Variants in SMYD3 observed in about 807,000 individuals in gnomAD.
SMYD3 encodes SET and MYND domain containing 3, also known as histone-lysine N-methyltransferase SMYD3.
SMYD3 carries 36 observed loss-of-function variants against 57.7 expected under a neutral mutation model. That is an observed-to-expected ratio of 0.62 (90% confidence interval 0.48 to 0.82). The LOEUF is 0.82. Ranked by LOEUF, SMYD3 falls within the 40% of genes least tolerant of loss-of-function variation. The pLI is 0.00. For synonymous variants in SMYD3, 211 were observed against 195.0 expected (o/e 1.08, Z -0.68); for missense variants, 515 against 538.8 (o/e 0.96, Z 0.44).
rs907370765 is a variant in SMYD3 at position 246,482,584 on chromosome 1, C to A, written c.164+24470G>T. 5.9e-5 allele frequency among the ~76,000 whole-genome samples: 9 copies of A among 152,298 alleles called. No homozygotes were observed. In the East Asian group the frequency reaches 7.7e-4, roughly 13 times the overall value. On this transcript the variant is annotated intron_variant, in intron 1 of 11. Coordinates refer to ENST00000490107, the MANE Select transcript of SMYD3 (RefSeq NM_001167740.2). ...CATGGTGGGCTCTCCACAGCTCTCA[C>A]TCAGAGGTGCCAGTACACCTCCCTG...
intron 5 of SMYD3, among the ~76,000 whole-genome samples, chr1:246,006,043 G>A (rs189803138): frequency 8.1e-6 from 1 of 123,800 alleles, no homozygotes; most frequent in East Asian, 2.1e-4. Flanking sequence ...AGAAAAGGCG[G>A]GATCTTGACA....
intron 9 of SMYD3, among the ~76,000 whole-genome samples, chr1:245,863,593 A>C (rs1368541350): frequency 6.6e-6 from 1 of 152,192 alleles, no homozygotes; most frequent in Non-Finnish European, 1.5e-5. Flanking sequence ...GTGAGTTATT[A>C]TTCACGCTGA....
chr1:245,892,938 C>T (rs9730153), intron 8 of SMYD3, among the ~76,000 whole-genome samples: 150,894 of 152,330 alleles, frequency 0.99, 74,747 homozygotes, highest in Middle Eastern at 1. Flanking sequence ...AATGAAAAGA[C>T]CAGCTGCAAA....
intron 8 of SMYD3, among the ~76,000 whole-genome samples, chr1:245,880,692 C>A (rs958150034): frequency 1.3e-5 from 2 of 152,212 alleles, no homozygotes; most frequent in Non-Finnish European, 2.9e-5. Flanking sequence ...GACTTGAACT[C>A]CCAGTTGTAT....
intron 1 of SMYD3, among the ~76,000 whole-genome samples, chr1:246,431,770 A>G (rs1402646397): frequency 1.3e-5 from 2 of 152,158 alleles, no homozygotes; most frequent in African/African-American, 2.4e-5. Context: ...AACTTTACAT[A>G]TATCTGCTAT....
chr1:246,132,083 T>G (rs2061596607), intron 5 of SMYD3, among the ~76,000 whole-genome samples: 1 of 152,164 alleles, frequency 6.6e-6, no homozygotes, highest in African/African-American at 2.4e-5. Flanking sequence ...ATTGGGACAA[T>G]TCTACTAAAC....
intron 1 of SMYD3, among the ~76,000 whole-genome samples, chr1:246,472,983 A>C (rs538709494): frequency 6.6e-6 from 1 of 151,482 alleles, no homozygotes; most frequent in Admixed American, 6.6e-5. Flanking sequence ...CAGCCTCCCA[A>C]GTAGCTGGGA....
intron 8 of SMYD3, among the ~76,000 whole-genome samples, chr1:245,873,648 G>T (rs1212562271): frequency 6.6e-6 from 1 of 152,166 alleles, no homozygotes; most frequent in Non-Finnish European, 1.5e-5. Flanking sequence ...TGCCAACAGA[G>T]ATAAAAATGC....
chr1:245,966,371 G>A (rs201933931), intron 5 of SMYD3, among the ~76,000 whole-genome samples: 31 of 152,160 alleles, frequency 2.0e-4, no homozygotes, highest in Admixed American at 4.6e-4. Flanking sequence ...GTCTCATTAT[G>A]TTTCCCAGGC....
intron 5 of SMYD3, among the ~76,000 whole-genome samples, chr1:246,294,303 C>T (rs750042275): frequency 4.6e-5 from 7 of 152,176 alleles, no homozygotes; most frequent in African/African-American, 1.7e-4. Flanking sequence ...ACAGAAGCAA[C>T]CAGGGCCCAC....
chr1:245,755,285 T>C (rs887528238), intron 11 of SMYD3, among the ~76,000 whole-genome samples: 5 of 152,238 alleles, frequency 3.3e-5, no homozygotes, highest in Admixed American at 3.3e-4. Flanking sequence ...TGAATCTTTT[T>C]ATGTTTATTG....
intron 1 of SMYD3, among the ~76,000 whole-genome samples, chr1:246,448,782 C>A (rs933479426): frequency 3.3e-5 from 5 of 150,384 alleles, no homozygotes; most frequent in Non-Finnish European, 7.4e-5. Context: ...AATTTTTGCT[C>A]CTGCTTCCAA....
chr1:245,873,963 T>C (rs2052358584), intron 8 of SMYD3, among the ~76,000 whole-genome samples: 1 of 152,218 alleles, frequency 6.6e-6, no homozygotes, highest in South Asian at 2.1e-4. Context: ...ACCACTGACA[T>C]GGAAACTAAT....
chr1:246,019,934 T>C (rs534011157), intron 5 of SMYD3, among the ~76,000 whole-genome samples: 7 of 152,202 alleles, frequency 4.6e-5, no homozygotes, highest in Non-Finnish European at 1.5e-5. Flanking sequence ...ATGTAAGATA[T>C]ATTAGAAAGA....
At chr1:246,079,430 T>C (rs923027511) in intron 5 of SMYD3, among the ~76,000 whole-genome samples, 1 of 152,230 alleles carries the variant, frequency 6.6e-6, no homozygotes, top group African/African-American at 2.4e-5. Context: ...TGGTGTGAAT[T>C]AGAAATATGA....
intron 10 of SMYD3, among the ~76,000 whole-genome samples, chr1:245,813,860 C>CTATATATATATATATATATA (rs6143718): frequency 4.1e-5 from 6 of 147,042 alleles, no homozygotes; most frequent in African/African-American, 1.3e-4. Flanking sequence ...TCATGGAGCC[C>CTATATATATATATATATATA]TATATATATA....
intron 2 of SMYD3, among the ~76,000 whole-genome samples, chr1:246,351,929 A>G (rs2148700473): frequency 6.6e-6 from 1 of 152,184 alleles, no homozygotes; most frequent in East Asian, 1.9e-4. Flanking sequence ...TGAGATCAGG[A>G]GCTTGAGAGC....
chr1:246,281,307 A>T (rs2064435881), intron 5 of SMYD3, among the ~76,000 whole-genome samples: 1 of 152,086 alleles, frequency 6.6e-6, no homozygotes, highest in Admixed American at 6.6e-5. Context: ...TTCTTTGTGA[A>T]CTCACTGTGC....
chr1:246,170,766 C>T (rs898373601), intron 5 of SMYD3, among the ~76,000 whole-genome samples: 35 of 152,242 alleles, frequency 2.3e-4, no homozygotes, highest in African/African-American at 7.9e-4. Context: ...GAAACGTAGT[C>T]GAGAAAGACT....
Sources: gnomAD v4.1 joint callset for allele counts (sites outside exome capture counted in the v4.1 genomes callset) on GRCh38, gnomAD v4.1.1 for gene constraint, MANE v1.5 for transcripts, NCBI Gene and HGNC (gene_info 2026-07-23, HGNC 2026-07-21) for gene names.